Variants in SLC12A2 observed in about 807,000 individuals in gnomAD.
SLC12A2 encodes Na-K-2Cl cotransporter 1.
A neutral mutation model predicts 136.3 loss-of-function variants in SLC12A2; 67 were observed. The ratio of observed to expected loss-of-function variants is 0.49; its 90% CI spans 0.40 to 0.60. The LOEUF (loss-of-function observed/expected upper bound fraction) is 0.60. Ranked by LOEUF, SLC12A2 falls within the 20% of genes least tolerant of loss-of-function variation. The pLI, the probability that SLC12A2 is intolerant of heterozygous loss-of-function variation, is 0.00. For synonymous variants in SLC12A2, 619 were observed against 562.9 expected (o/e 1.10, Z -1.41); for missense variants, 1,322 against 1,534.7 (o/e 0.86, Z 2.32).
intron 12 of SLC12A2, among the ~76,000 whole-genome samples, chr5:128,149,707 T>C (rs1366477259): frequency 1.3e-5 from 2 of 151,934 alleles, no homozygotes; most frequent in African/African-American, 2.4e-5. Context: ...AGTACTATTA[T>C]GATGCATATA....
At chr5:128,120,746 T>C (rs1761535359) in intron 4 of SLC12A2, among the ~76,000 whole-genome samples, 1 of 151,964 alleles carries the variant, frequency 6.6e-6, no homozygotes, top group Non-Finnish European at 1.5e-5. Context: ...CATTAGGAGA[T>C]ACACCTAATG....
intron 4 of SLC12A2, among the ~76,000 whole-genome samples, chr5:128,115,032 T>A (rs573024788): frequency 1.6e-4 from 24 of 152,322 alleles, no homozygotes; most frequent in African/African-American, 5.5e-4. Flanking sequence ...GGTAACCTCA[T>A]TCCCCACCTC....
intron 17 of SLC12A2, among the ~76,000 whole-genome samples, chr5:128,166,525 G>A (rs920748357): frequency 1.3e-5 from 2 of 151,870 alleles, no homozygotes; most frequent in Non-Finnish European, 2.9e-5. Flanking sequence ...CCATAAAAAG[G>A]AATGAAGTTC....
In SLC12A2 at chr5:128,135,462, G is replaced by A. The variant is rs6875842; in HGVS notation, c.1300-238G>A. Among the ~76,000 whole-genome samples, 2,840 of 152,036 alleles carry A rather than the reference G, an allele frequency of 0.019. 79 individuals carry two copies. Among genetic ancestry groups the A allele is most frequent in the African/African-American group, 0.061 (2,540 of 41,504 alleles). ...CATCTTTAACTCATTTCAGAAATATGGCATGATCTCACTTTTACTATCTTT... is the reference window on the plus strand; with the variant it reads ...CATCTTTAACTCATTTCAGAAATATAGCATGATCTCACTTTTACTATCTTT... On this transcript the variant is annotated intron_variant, in intron 6 of 26. Coordinates refer to ENST00000262461, the MANE Select transcript of SLC12A2 (RefSeq NM_001046.3).
At chr5:128,108,375 T>G (rs1223790539) in intron 1 of SLC12A2, among the ~76,000 whole-genome samples, 1 of 152,088 alleles carries the variant, frequency 6.6e-6, no homozygotes, top group Non-Finnish European at 1.5e-5. Flanking sequence ...GCAGCATTAT[T>G]CATAATAGCC....
In SLC12A2 at chr5:128,157,698, C is replaced by A. The variant is rs1241602754; in HGVS notation, c.2364-355C>A. On this transcript the variant is annotated intron_variant, in intron 15 of 26. Transcript: ENST00000262461. Reference sequence around the variant, plus strand: ...AAAGCAGTGCTCGCAGGAAGTTATGCAAACTCTGTGAAAGAATTATTAACA... The same window carrying A: ...AAAGCAGTGCTCGCAGGAAGTTATGAAAACTCTGTGAAAGAATTATTAACA... 5.3e-5 allele frequency among the ~76,000 whole-genome samples: 8 copies of A among 152,044 alleles called. 1 individual carries two copies. The South Asian group carries it at 1.7e-3, about 32-fold the overall frequency.
At chr5:128,110,659 C>T in intron 1 of SLC12A2, 1 of 1,236,572 alleles carries the variant, frequency 8.1e-7, no homozygotes, top group Non-Finnish European at 1.2e-6. Context: ...GAAGCCAAGA[C>T]TCCGTCTACT....
intron 1 of SLC12A2, among the ~76,000 whole-genome samples, chr5:128,111,798 ATGTGTGTGTATATACGTGTG>A (rs1761156429): frequency 7.2e-6 from 1 of 139,240 alleles, no homozygotes; most frequent in Admixed American, 7.2e-5. Context: ...GCATATATAT[ATGTGTGTGTATATACGTGTG>A]TGTGTGTGTA....
Position 128,189,214 on chromosome 5 carries a change from G to A in SLC12A2, c.*2583G>A. On this transcript the variant is annotated 3_prime_UTR_variant, in exon 27 of 27. Coordinates refer to ENST00000262461, the MANE Select transcript of SLC12A2 (RefSeq NM_001046.3). The stretch of plus-strand genomic sequence containing the variant: ...CTAGCTAGTGTTGAAGCTAAAAATA[G>A]CTTTATTTATGCTGAATTGTGATTT... The A allele has an allele frequency of 6.6e-6, 1 of 152,042 alleles. No individual in the cohort carries two copies. Among genetic ancestry groups the A allele is most frequent in the Admixed American group, 6.6e-5 (1 of 15,264 alleles). 9.4% of individuals were successfully genotyped at this position (152,042 alleles called of 1,614,324 possible).
chr5:128,099,898 T>G (rs191526925), intron 1 of SLC12A2, among the ~76,000 whole-genome samples: 1 of 152,186 alleles, frequency 6.6e-6, no homozygotes, highest in South Asian at 2.1e-4. Context: ...TTCTGAAGTA[T>G]CTGCCTGAGG....
In SLC12A2 at chr5:128,092,225, A is replaced by G. The variant is rs571208474; in HGVS notation, c.756+7515A>G. On this transcript the variant is annotated intron_variant, in intron 1 of 26. Transcript: ENST00000262461. ...ATTATACGTTTGAAACACATCCAGTATCTCAATACCTCTCATTGTATCAGT... is the reference window on the plus strand; with the variant it reads ...ATTATACGTTTGAAACACATCCAGTGTCTCAATACCTCTCATTGTATCAGT... 5.3e-5 allele frequency among the ~76,000 whole-genome samples: 8 copies of G among 152,370 alleles called. No individual in the cohort carries two copies. In the South Asian group the frequency reaches 1.4e-3, roughly 28 times the overall value.
intron 20 of SLC12A2, among the ~76,000 whole-genome samples, chr5:128,174,970 T>C (rs1481173302): frequency 6.6e-6 from 1 of 152,098 alleles, no homozygotes; most frequent in Non-Finnish European, 1.5e-5. Context: ...AAATCTGAAT[T>C]TGGAAAGAAC....
At chr5:128,110,645 T>C in intron 1 of SLC12A2, 1 of 1,147,558 alleles carries the variant, frequency 8.7e-7, no homozygotes, top group Non-Finnish European at 1.3e-6. Flanking sequence ...GACAGTGTTG[T>C]GCTGAAGCCA....
rs1157027097 is a variant in SLC12A2 at position 128,122,930 on chromosome 5, T to G, written c.1049-8137T>G. Among the ~76,000 whole-genome samples, 5 of 152,230 alleles carry G rather than the reference T, an allele frequency of 3.3e-5. No homozygotes were observed. In the East Asian group the frequency reaches 9.6e-4, roughly 29 times the overall value. On this transcript the variant is annotated intron_variant, in intron 4 of 26. Coordinates refer to ENST00000262461, the MANE Select transcript of SLC12A2 (RefSeq NM_001046.3). The stretch of plus-strand genomic sequence containing the variant: ...GTTTGAAGCAGCTGTAAAACACAGT[T>G]GTATTATGAGGTTTATTAAATTTAA...
At chr5:128,163,507 C>T (rs533255419) in intron 17 of SLC12A2, among the ~76,000 whole-genome samples, 41 of 151,742 alleles carry the variant, frequency 2.7e-4, no homozygotes, top group African/African-American at 8.9e-4. Flanking sequence ...CCAGTTTGGG[C>T]GATAGAGCGA....
At chr5:128,159,325 A>T (rs910824325) in intron 16 of SLC12A2, among the ~76,000 whole-genome samples, 7 of 152,206 alleles carry the variant, frequency 4.6e-5, no homozygotes, top group Admixed American at 1.3e-4. Flanking sequence ...AGGCAGTACC[A>T]TTCAGGACAA....
chr5:128,086,675 T>C (rs1325477893), intron 1 of SLC12A2, among the ~76,000 whole-genome samples: 3 of 152,228 alleles, frequency 2.0e-5, no homozygotes, highest in African/African-American at 7.2e-5. Flanking sequence ...GCCACTGTTT[T>C]ATTGGCTTAA....
At chr5:128,130,518 A>C (rs1391473649) in intron 4 of SLC12A2, among the ~76,000 whole-genome samples, 1 of 149,312 alleles carries the variant, frequency 6.7e-6, no homozygotes, top group Non-Finnish European at 1.5e-5. Flanking sequence ...CTGTCTCAAA[A>C]AAAAAAAAAA....
intron 15 of SLC12A2, among the ~76,000 whole-genome samples, chr5:128,153,074 CTG>C (rs1301445329): frequency 6.6e-5 from 10 of 152,054 alleles, no homozygotes; most frequent in South Asian, 2.1e-4. Context: ...AGTTACGTAA[CTG>C]TGTAAGTATG....
Sources: gnomAD v4.1 joint callset for allele counts (sites outside exome capture counted in the v4.1 genomes callset) on GRCh38, gnomAD v4.1.1 for gene constraint, MANE v1.5 for transcripts, NCBI Gene and HGNC (gene_info 2026-07-23, HGNC 2026-07-21) for gene names.